PDE3A: variants seen among roughly 807,000 people sequenced by gnomAD.
PDE3A encodes cGMP-inhibited 3',5'-cyclic phosphodiesterase 3A.
Under a neutral mutation model 98.3 loss-of-function variants are expected in PDE3A, and 43 were observed. The observed-to-expected ratio is 0.44, with a 90% CI of 0.34 to 0.56. The LOEUF (loss-of-function observed/expected upper bound fraction) is 0.56, where lower values mean the gene tolerates loss of function less well. Ranked by LOEUF, PDE3A falls within the 20% of genes least tolerant of loss-of-function variation. The pLI, the probability that PDE3A is intolerant of heterozygous loss-of-function variation, is 0.01. For missense variants in PDE3A, 1,427 were observed against 1,440.7 expected, an observed-to-expected ratio of 0.99 and a Z score of 0.15; for synonymous variants, 663 against 567.9, an observed-to-expected ratio of 1.17 and a Z score of -2.38.
chr12:20,549,329 G>A (rs893028372), intron 1 of PDE3A, among the ~76,000 whole-genome samples: 2 of 148,772 alleles, frequency 1.3e-5, no homozygotes, highest in Non-Finnish European at 3.0e-5. Context: ...CCAGAATGCT[G>A]TAATCGTGGG....
intron 2 of PDE3A, among the ~76,000 whole-genome samples, chr12:20,595,667 A>G (rs1943449521): frequency 6.6e-6 from 1 of 152,172 alleles, no homozygotes; most frequent in Non-Finnish European, 1.5e-5. Context: ...TGTTTGAAGT[A>G]TTGAAACTAG....
chr12:20,567,279 T>TA (rs1942684925), intron 2 of PDE3A, among the ~76,000 whole-genome samples: 1 of 152,020 alleles, frequency 6.6e-6, no homozygotes, highest in East Asian at 1.9e-4. Context: ...GGAAATCTGT[T>TA]AATCCATAAT....
rs1363462935 is a variant in PDE3A at position 20,680,695 on chromosome 12, A to G, written c.*424A>G. On this transcript the variant is annotated 3_prime_UTR_variant, in exon 16 of 16. Coordinates refer to ENST00000359062, the MANE Select transcript of PDE3A (RefSeq NM_000921.5). The stretch of plus-strand genomic sequence containing the variant: ...TAAATCATAAAGGAAACCAAATCAC[A>G]AAGGAGATGGTGTGGCTTAGCAAGG... The G allele has an allele frequency of 6.5e-6, 1 of 154,466 alleles. No individual in the cohort carries two copies. Among genetic ancestry groups the G allele is most frequent in the Admixed American group, 6.5e-5 (1 of 15,436 alleles). The allele number at this position is 154,466 out of a possible 1,614,324, so 9.6% of individuals were successfully genotyped here. A position where few individuals can be genotyped will look rare whatever the true frequency, so the allele number is the denominator to read the frequency against.
intron 1 of PDE3A, among the ~76,000 whole-genome samples, chr12:20,492,902 G>A (rs958962211): frequency 1.3e-5 from 2 of 152,070 alleles, no homozygotes; most frequent in African/African-American, 4.8e-5. Context: ...GGGTGGTGGT[G>A]GCGGGAATAA....
At chr12:20,599,863 G>T (rs11045324) in intron 2 of PDE3A, among the ~76,000 whole-genome samples, 17,165 of 151,766 alleles carry the variant, frequency 0.11, 1,342 homozygotes, top group East Asian at 0.29. Flanking sequence ...TTGCAATGTG[G>T]CTTGCTACCT....
chr12:20,672,589 G>A (rs1260609759), intron 15 of PDE3A, among the ~76,000 whole-genome samples: 2 of 145,866 alleles, frequency 1.4e-5, no homozygotes, highest in African/African-American at 5.1e-5. Context: ...AGAAAAACAA[G>A]CAATGGGGAA....
chr12:20,638,889 A>C (rs1372209731), intron 9 of PDE3A, among the ~76,000 whole-genome samples: 1 of 152,164 alleles, frequency 6.6e-6, no homozygotes. Context: ...TTATAGAAGA[A>C]GAAACTAAGG....
intron 1 of PDE3A, among the ~76,000 whole-genome samples, chr12:20,461,612 C>A (rs144176382): frequency 1.8e-3 from 275 of 152,144 alleles, no homozygotes; most frequent in African/African-American, 6.2e-3. Context: ...TAAACATAAT[C>A]ATTCATCTAC....
intron 1 of PDE3A, among the ~76,000 whole-genome samples, chr12:20,524,352 A>T (rs549277781): frequency 6.6e-6 from 1 of 152,290 alleles, no homozygotes; most frequent in African/African-American, 2.4e-5. Context: ...CACAGCCTAG[A>T]GTAGCCATTA....
chr12:20,442,925 T>C (rs961697561), intron 1 of PDE3A, among the ~76,000 whole-genome samples: 2 of 152,142 alleles, frequency 1.3e-5, no homozygotes, highest in African/African-American at 2.4e-5. Flanking sequence ...AGAAAATAGG[T>C]TGCATTATTC....
chr12:20,369,190 C>CGTGCGTGTGT lies in PDE3A; in HGVS notation c.-92_-91insCGTGTGTGTG. The CGTGCGTGTGT allele has an allele frequency of 3.1e-6, 2 of 653,228 alleles. No individual in the cohort carries two copies. The highest frequency in any genetic ancestry group is 4.2e-4 in the Middle Eastern group (1 of 2,374). The allele number at this position is 653,228 out of a possible 1,614,324, so 40.5% of individuals were successfully genotyped here. A position where few individuals can be genotyped will look rare whatever the true frequency, so the allele number is the denominator to read the frequency against. The stretch of plus-strand genomic sequence containing the variant: ...GGTGGAATTGGGAAGAGCGTGCGTG[C>CGTGCGTGTGT]GTGTGTGTGTGTGTGTGTGTGCGCG... On this transcript the variant is annotated 5_prime_UTR_variant, in exon 1 of 16. Transcript: ENST00000359062.
chr12:20,500,311 C>T (rs1382865177), intron 1 of PDE3A, among the ~76,000 whole-genome samples: 2 of 151,948 alleles, frequency 1.3e-5, no homozygotes, highest in Non-Finnish European at 2.9e-5. Context: ...TATTCTAATT[C>T]GAATTTAGTG....
chr12:20,386,442 G>T (rs1943807606), intron 1 of PDE3A, among the ~76,000 whole-genome samples: 1 of 150,924 alleles, frequency 6.6e-6, no homozygotes. Flanking sequence ...TTTGAGAAAT[G>T]TCTGTTTATG....
chr12:20,504,896 T>C (rs1946086898), intron 1 of PDE3A, among the ~76,000 whole-genome samples: 1 of 152,064 alleles, frequency 6.6e-6, no homozygotes, highest in Admixed American at 6.6e-5. Flanking sequence ...ACTTTTGCCA[T>C]GTACGATAAC....
chr12:20,637,339 T>C, intron 9 of PDE3A, 102 bp downstream of exon 9: 1 of 787,252 alleles, frequency 1.3e-6, no homozygotes, highest in Non-Finnish European at 1.9e-6. Context: ...AGGTGTTATG[T>C]GGAGAAAGGA....
At chr12:20,629,619 G>T (rs945639177) in intron 5 of PDE3A, among the ~76,000 whole-genome samples, 1 of 152,146 alleles carries the variant, frequency 6.6e-6, no homozygotes, top group Non-Finnish European at 1.5e-5. Flanking sequence ...AATGGGAGGA[G>T]AAAATAATAT....
chr12:20,448,132 G>A (rs889715924), intron 1 of PDE3A, among the ~76,000 whole-genome samples: 2 of 152,180 alleles, frequency 1.3e-5, no homozygotes, highest in African/African-American at 4.8e-5. Flanking sequence ...AACTCCATTA[G>A]TAATATTAAG....
chr12:20,569,169 T>C (rs2121305469), intron 2 of PDE3A, among the ~76,000 whole-genome samples: 1 of 152,212 alleles, frequency 6.6e-6, no homozygotes, highest in African/African-American at 2.4e-5. Flanking sequence ...ATGCTAACTT[T>C]GGTAACCACA....
intron 2 of PDE3A, 55 bp from the exon 3 acceptor site, chr12:20,613,388 G>A: frequency 6.4e-7 from 1 of 1,559,342 alleles, no homozygotes; most frequent in Non-Finnish European, 8.8e-7. Context: ...TTAATGCTTT[G>A]TGCCTTCAGA....
Sources: allele counts gnomAD v4.1 joint callset (sites outside exome capture counted in the v4.1 genomes callset), GRCh38; gene constraint gnomAD v4.1.1; transcripts MANE v1.5; gene names NCBI Gene and HGNC (gene_info 2026-07-23, HGNC 2026-07-21).